Variants in SPATA16 observed in about 807,000 individuals in gnomAD.
SPATA16 encodes spermatogenesis-associated protein 16.
In SPATA16, 36 loss-of-function variants were observed where a neutral mutation model predicts 63.3. The observed-to-expected ratio is 0.57, with a 90% CI of 0.44 to 0.75. The LOEUF (loss-of-function observed/expected upper bound fraction) is 0.75. SPATA16 is among the 30% of genes least tolerant of loss of function. The pLI, the probability that SPATA16 is intolerant of heterozygous loss-of-function variation, is 0.00. For missense variants in SPATA16, 646 were observed against 679.3 expected, an observed-to-expected ratio of 0.95 and a Z score of 0.54; for synonymous variants, 203 against 216.7, an observed-to-expected ratio of 0.94 and a Z score of 0.56.
At chr3:173,065,754 A>T (rs534184895) in intron 2 of SPATA16, among the ~76,000 whole-genome samples, 54 of 152,200 alleles carry the variant, frequency 3.5e-4, no homozygotes, top group Admixed American at 1.8e-3. Flanking sequence ...GCCCTGTCAC[A>T]ACAGAACACA....
chr3:172,973,286 T>C (rs1734087087), intron 5 of SPATA16, among the ~76,000 whole-genome samples: 1 of 152,138 alleles, frequency 6.6e-6, no homozygotes, highest in South Asian at 2.1e-4. Flanking sequence ...TGTTTATGAC[T>C]ATTGTTCTAG....
chr3:172,994,016 C>T (rs919312641), intron 4 of SPATA16, among the ~76,000 whole-genome samples: 1 of 152,142 alleles, frequency 6.6e-6, no homozygotes, highest in Non-Finnish European at 1.5e-5. Flanking sequence ...AAGCCATAAA[C>T]TTTTCATTAC....
intron 6 of SPATA16, among the ~76,000 whole-genome samples, chr3:172,946,988 AGC>A (rs141349226): frequency 0.087 from 13,211 of 152,088 alleles, 1,914 homozygotes; most frequent in African/African-American, 0.3. Flanking sequence ...CAGGCAGCTC[AGC>A]GCAGAGAGAG....
intron 5 of SPATA16, among the ~76,000 whole-genome samples, chr3:172,966,898 G>T (rs1733930520): frequency 1.3e-5 from 2 of 152,200 alleles, no homozygotes; most frequent in South Asian, 4.1e-4. Flanking sequence ...CAATTTCTCT[G>T]CAAGCTTGTA....
intron 2 of SPATA16, among the ~76,000 whole-genome samples, chr3:173,076,289 G>A (rs955210253): frequency 4.6e-5 from 7 of 152,164 alleles, no homozygotes; most frequent in East Asian, 1.9e-4. Flanking sequence ...AGAAATTGAC[G>A]TTTGTGAATG....
Position 173,049,075 on chromosome 3 carries a change from A to G in SPATA16, c.632T>C (p.Val211Ala), listed in dbSNP as rs1577148073. The G allele has an allele frequency of 6.2e-7, 1 of 1,613,552 alleles. No homozygotes were observed. Among genetic ancestry groups the G allele is most frequent in the South Asian group, 1.1e-5 (1 of 91,050 alleles). ...TALELCSKGA[V>A]LGEPFDAPAE... ...AGGTGCATCAAATGGTTCTCCCAGAACTGCTCCTTTGCTGCAAAGCTTTAA... is the reference window on the plus strand; with the variant it reads ...AGGTGCATCAAATGGTTCTCCCAGAGCTGCTCCTTTGCTGCAAAGCTTTAA... Residue 211 changes from valine to alanine, a missense_variant, in exon 3 of 11, where the codon GTT (valine) becomes GCT (alanine). Physicochemically the swap from Val to Ala is moderately conservative, Grantham distance 64 (BLOSUM62 0). Transcript: ENST00000351008.
intron 4 of SPATA16, among the ~76,000 whole-genome samples, chr3:172,995,005 G>A (rs1346102439): frequency 1.3e-5 from 2 of 152,024 alleles, no homozygotes; most frequent in African/African-American, 4.8e-5. Context: ...GAATATAAAA[G>A]GTGGAGCTTG....
intron 3 of SPATA16, among the ~76,000 whole-genome samples, chr3:173,029,621 C>T (rs1735554466): frequency 6.6e-6 from 1 of 151,878 alleles, no homozygotes; most frequent in Non-Finnish European, 1.5e-5. Context: ...AAACAGTACA[C>T]CTGGCAAGGC....
At chr3:172,908,927 G>C (rs1238645794) in intron 10 of SPATA16, among the ~76,000 whole-genome samples, 1 of 151,966 alleles carries the variant, frequency 6.6e-6, no homozygotes, top group African/African-American at 2.4e-5. Flanking sequence ...GGAATTGTCT[G>C]AAAGTGATAC....
chr3:173,070,240 C>T (rs1736635548), intron 2 of SPATA16, among the ~76,000 whole-genome samples: 1 of 151,802 alleles, frequency 6.6e-6, no homozygotes, highest in African/African-American at 2.4e-5. Flanking sequence ...ACTAAAAATA[C>T]AAAAATTAGG....
intron 2 of SPATA16, among the ~76,000 whole-genome samples, chr3:173,084,735 A>C (rs1737005881): frequency 6.6e-6 from 1 of 152,180 alleles, no homozygotes; most frequent in African/African-American, 2.4e-5. Context: ...TTTTCTGCCT[A>C]TGGCTAGCCA....
At position 172,908,454 on chromosome 3, in the gene SPATA16, G is replaced by T. The variant is rs546844744; in HGVS notation, c.1587+5207C>A. Among the ~76,000 whole-genome samples the T allele has an allele frequency of 6.6e-5, 10 of 152,300 alleles. No individual in the cohort carries two copies. In the East Asian group the frequency reaches 1.9e-3, roughly 29 times the overall value. On this transcript the variant is annotated intron_variant, in intron 10 of 10. Transcript: ENST00000351008. The stretch of plus-strand genomic sequence containing the variant: ...AACCACTTTCTGAAAACTCTGTAAA[G>T]AATATATTTCCATTCTGGTGAATCA...
intron 4 of SPATA16, among the ~76,000 whole-genome samples, chr3:172,983,840 A>C (rs1172167022): frequency 1.3e-5 from 2 of 152,020 alleles, no homozygotes; most frequent in Non-Finnish European, 2.9e-5. Flanking sequence ...CTTTCCAAAA[A>C]CGTAAAGGAA....
intron 2 of SPATA16, among the ~76,000 whole-genome samples, chr3:173,110,093 T>C (rs1039667927): frequency 2.0e-5 from 3 of 152,228 alleles, no homozygotes; most frequent in Non-Finnish European, 4.4e-5. Context: ...GCTAGCATTT[T>C]CCAAATTTTT....
chr3:173,088,234 A>G (rs1264968420), intron 2 of SPATA16, among the ~76,000 whole-genome samples: 1 of 151,084 alleles, frequency 6.6e-6, no homozygotes, highest in African/African-American at 2.4e-5. Flanking sequence ...ACAGGTGTGC[A>G]CTACCATGCC....
At chr3:172,976,190 C>T (rs899531178) in intron 5 of SPATA16, among the ~76,000 whole-genome samples, 6 of 152,028 alleles carry the variant, frequency 3.9e-5, no homozygotes, top group African/African-American at 9.7e-5. Context: ...CATGTGGACT[C>T]ATCAGAAACA....
rs1350735686 is a variant in SPATA16 at position 173,117,188 on chromosome 3, C to T, written c.544G>A (p.Asp182Asn). ...IDKWLQVALKDASSCYRQKKY... is the reference protein window; with the variant it reads ...IDKWLQVALKNASSCYRQKKY... Reference sequence around the variant, plus strand: ...TTTTGTCTATAGCAAGAGCTGGCATCCTTTAAGGCTACCTGAAGCCATTTG... The same window carrying T: ...TTTTGTCTATAGCAAGAGCTGGCATTCTTTAAGGCTACCTGAAGCCATTTG... The change falls in exon 2 of 11, where the codon GAT (aspartate) becomes AAT (asparagine). Residue 182 changes from aspartate (D) to asparagine (N), a missense_variant. Asp to Asn is a conservative substitution (Grantham distance 23). Transcript: ENST00000351008. 3.1e-6 allele frequency: 5 copies of T among 1,614,030 alleles called. No individual in the cohort carries two copies. The African/African-American group carries it at 4.0e-5, about 13-fold the overall frequency.
At chr3:173,098,884 T>G (rs756776085) in intron 2 of SPATA16, among the ~76,000 whole-genome samples, 19 of 152,128 alleles carry the variant, frequency 1.2e-4, no homozygotes, top group Middle Eastern at 3.4e-3. Flanking sequence ...CTCTGATGAG[T>G]TAAAAAGAAA....
intron 2 of SPATA16, among the ~76,000 whole-genome samples, chr3:173,110,099 T>A (rs1238286652): frequency 6.6e-6 from 1 of 152,234 alleles, no homozygotes; most frequent in African/African-American, 2.4e-5. Context: ...ATTTTCCAAA[T>A]TTTTTAAAAT....
Sources: allele counts gnomAD v4.1 joint callset (sites outside exome capture counted in the v4.1 genomes callset), GRCh38; gene constraint gnomAD v4.1.1; transcripts MANE v1.5; gene names NCBI Gene and HGNC (gene_info 2026-07-23, HGNC 2026-07-21).